Variants in ANKS1B observed in about 807,000 individuals in gnomAD.
ANKS1B encodes ankyrin repeat and sterile alpha motif domain-containing protein 1B.
ANKS1B carries 36 observed loss-of-function variants against 148.3 expected under a neutral mutation model. The observed-to-expected ratio is 0.24, with a 90% CI of 0.19 to 0.32. The LOEUF (loss-of-function observed/expected upper bound fraction) is 0.32, where lower values mean the gene tolerates loss of function less well. ANKS1B is among the 10% of genes least tolerant of loss of function. The pLI is 1.00. For synonymous variants in ANKS1B, 542 were observed against 560.8 expected (o/e 0.97, Z 0.47); for missense variants, 1,157 against 1,542.6 (o/e 0.75, Z 4.19).
At chr12:98,951,638 GCTC>G (rs1035850657) in intron 17 of ANKS1B, among the ~76,000 whole-genome samples, 2 of 152,016 alleles carry the variant, frequency 1.3e-5, no homozygotes, top group African/African-American at 2.4e-5. Flanking sequence ...AGCTAACTGT[GCTC>G]CTCGCCATTG....
chr12:99,111,498 A>G (rs1476681854), intron 15 of ANKS1B, among the ~76,000 whole-genome samples: 1 of 152,038 alleles, frequency 6.6e-6, no homozygotes, highest in African/African-American at 2.4e-5. Flanking sequence ...AGCCTGAGAG[A>G]GAAGACTATT....
chr12:99,552,999 C>A (rs768020658), intron 9 of ANKS1B, among the ~76,000 whole-genome samples: 1 of 152,152 alleles, frequency 6.6e-6, no homozygotes, highest in South Asian at 2.1e-4. Context: ...GAATGCAGAA[C>A]CCACGGACAC....
At chr12:99,748,762 G>T (rs1019041112) in intron 8 of ANKS1B, among the ~76,000 whole-genome samples, 2 of 152,010 alleles carry the variant, frequency 1.3e-5, no homozygotes, top group African/African-American at 4.8e-5. Context: ...AAACAGAGAA[G>T]ACTTTATTGA....
intron 8 of ANKS1B, among the ~76,000 whole-genome samples, chr12:99,730,088 A>G (rs1163137487): frequency 6.6e-6 from 1 of 152,210 alleles, no homozygotes; most frequent in Admixed American, 6.5e-5. Context: ...ACCACGTCCA[A>G]CTGTTAAGCT....
At position 99,068,510 on chromosome 12, in the gene ANKS1B, C is replaced by T. The variant is rs1458483111; in HGVS notation, c.2626-15201G>A. On this transcript the variant is annotated intron_variant, in intron 16 of 26. Coordinates refer to ENST00000683438, the MANE Select transcript of ANKS1B (RefSeq NM_001352186.2). ...CTGACCCAAATGTTGTTATATGGCA[C>T]ATGACTGTATACAAAGATAAGTGCC... Among the ~76,000 whole-genome samples the T allele has an allele frequency of 2.6e-5, 4 of 152,262 alleles. No homozygotes were observed. The East Asian group carries it at 7.7e-4, about 29-fold the overall frequency.
chr12:99,290,284 A>AG (rs1201771206), intron 12 of ANKS1B, among the ~76,000 whole-genome samples: 10 of 139,970 alleles, frequency 7.1e-5, no homozygotes, highest in Non-Finnish European at 1.3e-4. Flanking sequence ...AAAGTCTCCC[A>AG]GAAAAAAAAA....
At chr12:99,483,010 C>T (rs1206828094) in intron 10 of ANKS1B, among the ~76,000 whole-genome samples, 1 of 150,798 alleles carries the variant, frequency 6.6e-6, no homozygotes, top group Non-Finnish European at 1.5e-5. Flanking sequence ...CTTAATTGCT[C>T]TGGCTAGGAC....
chr12:99,201,831 T>C (rs569711889), intron 14 of ANKS1B, among the ~76,000 whole-genome samples: 47 of 152,216 alleles, frequency 3.1e-4, no homozygotes, highest in Non-Finnish European at 5.1e-4. Context: ...AAGAAATAAC[T>C]AGGCTGGTTA....
Position 99,809,100 on chromosome 12 carries a change from T to A in ANKS1B, c.373-2400A>T, listed in dbSNP as rs539906862. Among the ~76,000 whole-genome samples, 5 of 152,258 alleles carry A rather than the reference T, an allele frequency of 3.3e-5. No homozygotes were observed. In the East Asian group the frequency reaches 9.7e-4, roughly 29 times the overall value. On this transcript the variant is annotated intron_variant, in intron 3 of 26. Coordinates refer to ENST00000683438, the MANE Select transcript of ANKS1B (RefSeq NM_001352186.2). The stretch of plus-strand genomic sequence containing the variant: ...ATAATCTAATTTGAAATAAATAGGC[T>A]GTGATGAGGCACTGATTAATAATTC...
chr12:99,852,250 G>A (rs1271862666), intron 1 of ANKS1B, among the ~76,000 whole-genome samples: 1 of 152,144 alleles, frequency 6.6e-6, no homozygotes, highest in African/African-American at 2.4e-5. Context: ...CCAAAATAAT[G>A]TAAGCTAACC....
At chr12:99,038,425 A>G (rs1272220663) in intron 17 of ANKS1B, among the ~76,000 whole-genome samples, 1 of 152,012 alleles carries the variant, frequency 6.6e-6, no homozygotes, top group Non-Finnish European at 1.5e-5. Flanking sequence ...TCACCACACC[A>G]CTTTAGTACA....
At chr12:98,760,053 CAT>C (rs1228668548) in intron 25 of ANKS1B, among the ~76,000 whole-genome samples, 2 of 152,160 alleles carry the variant, frequency 1.3e-5, no homozygotes, top group African/African-American at 4.8e-5. Flanking sequence ...TACATATACA[CAT>C]AGATAGGATC....
chr12:99,790,703 T>C (rs989051559), intron 4 of ANKS1B, among the ~76,000 whole-genome samples: 2 of 152,006 alleles, frequency 1.3e-5, no homozygotes, highest in Non-Finnish European at 2.9e-5. Context: ...TTTAAAGTAA[T>C]GGGTTATAAG....
intron 12 of ANKS1B, among the ~76,000 whole-genome samples, chr12:99,277,537 T>C (rs2077834317): frequency 6.6e-6 from 1 of 152,168 alleles, no homozygotes; most frequent in Non-Finnish European, 1.5e-5. Context: ...TGTGTACACA[T>C]GAAATGTTGA....
At chr12:99,737,704 G>A (rs527333872) in intron 8 of ANKS1B, among the ~76,000 whole-genome samples, 62 of 152,030 alleles carry the variant, frequency 4.1e-4, no homozygotes, top group African/African-American at 1.4e-3. Context: ...TTTCCACCTT[G>A]TTCCCTTCAA....
At chr12:99,128,206 T>C (rs543569477) in intron 15 of ANKS1B, among the ~76,000 whole-genome samples, 61 of 152,318 alleles carry the variant, frequency 4.0e-4, no homozygotes, top group Non-Finnish European at 7.2e-4. Context: ...ACATACTTTC[T>C]TGAAAGTATT....
At chr12:99,890,366 T>C (rs962522077) in intron 1 of ANKS1B, among the ~76,000 whole-genome samples, 9 of 152,214 alleles carry the variant, frequency 5.9e-5, no homozygotes, top group African/African-American at 2.2e-4. Context: ...GAGGAAGGAA[T>C]TCTGCTTCCC....
intron 1 of ANKS1B, among the ~76,000 whole-genome samples, chr12:99,886,563 A>G (rs2092832079): frequency 1.3e-5 from 2 of 152,126 alleles, no homozygotes; most frequent in Admixed American, 1.3e-4. Context: ...GTATGTGTAT[A>G]TACTATGCAT....
At chr12:99,415,994 T>A (rs1196575879) in intron 11 of ANKS1B, among the ~76,000 whole-genome samples, 1 of 152,132 alleles carries the variant, frequency 6.6e-6, no homozygotes, top group East Asian at 1.9e-4. Flanking sequence ...CATTGCCCTT[T>A]TATAGCTACA....
Sources: allele counts gnomAD v4.1 joint callset (sites outside exome capture counted in the v4.1 genomes callset), GRCh38; gene constraint gnomAD v4.1.1; transcripts MANE v1.5; gene names NCBI Gene and HGNC (gene_info 2026-07-23, HGNC 2026-07-21).